CHST11: variants seen among roughly 807,000 people sequenced by gnomAD.
CHST11 encodes C4S-1.
In CHST11, 9 loss-of-function variants were observed where a neutral mutation model predicts 30.4. The ratio of observed to expected loss-of-function variants is 0.30; its 90% confidence interval spans 0.18 to 0.52. The LOEUF (loss-of-function observed/expected upper bound fraction) is 0.52. CHST11 is among the 20% of genes least tolerant of loss of function. The pLI is 0.97. For synonymous variants in CHST11, 152 were observed against 187.8 expected (o/e 0.81, Z 1.56); for missense variants, 348 against 460.6 (o/e 0.76, Z 2.24).
intron 1 of CHST11, among the ~76,000 whole-genome samples, chr12:104,490,412 C>A (rs889899900): frequency 3.0e-4 from 45 of 152,208 alleles, no homozygotes. Flanking sequence ...TATTACCCAA[C>A]TGCACCAATA....
chr12:104,582,070 A>G (rs1311995660), intron 1 of CHST11, among the ~76,000 whole-genome samples: 2 of 152,172 alleles, frequency 1.3e-5, no homozygotes, highest in East Asian at 1.9e-4. Context: ...TAAGAAGACT[A>G]TGGTTGTAGG....
chr12:104,710,287 A>C (rs554331149), intron 2 of CHST11, among the ~76,000 whole-genome samples: 2 of 152,320 alleles, frequency 1.3e-5, no homozygotes, highest in Admixed American at 1.3e-4. Context: ...GGGAGGGAGA[A>C]AGGGAAAAGA....
chr12:104,518,150 A>G (rs2038042987), intron 1 of CHST11, among the ~76,000 whole-genome samples: 1 of 152,204 alleles, frequency 6.6e-6, no homozygotes. Flanking sequence ...AGCCAGGCGC[A>G]GTGGCACGTG....
At chr12:104,595,352 A>C (rs901937269) in intron 1 of CHST11, among the ~76,000 whole-genome samples, 1 of 152,124 alleles carries the variant, frequency 6.6e-6, no homozygotes, top group African/African-American at 2.4e-5. Flanking sequence ...TTGCTTTTCC[A>C]TTCCCTGCCT....
chr12:104,696,096 T>C (rs2039942034), intron 2 of CHST11, among the ~76,000 whole-genome samples: 1 of 152,122 alleles, frequency 6.6e-6, no homozygotes, highest in Admixed American at 6.6e-5. Flanking sequence ...CTCCTAGGTA[T>C]GTTAACTCGC....
intron 1 of CHST11, among the ~76,000 whole-genome samples, chr12:104,548,052 T>G (rs1379684402): frequency 6.6e-6 from 1 of 152,238 alleles, no homozygotes; most frequent in Non-Finnish European, 1.5e-5. Flanking sequence ...AATCAACCAC[T>G]GATGGCTGGG....
intron 2 of CHST11, among the ~76,000 whole-genome samples, chr12:104,669,576 G>A (rs1284343216): frequency 6.6e-6 from 1 of 152,188 alleles, no homozygotes; most frequent in Non-Finnish European, 1.5e-5. Context: ...CCTACATTGT[G>A]TTTGTAGAGT....
At chr12:104,475,580 G>A (rs1419238684) in intron 1 of CHST11, among the ~76,000 whole-genome samples, 1 of 146,292 alleles carries the variant, frequency 6.8e-6, no homozygotes, top group African/African-American at 2.5e-5. Flanking sequence ...TTTATCAAGG[G>A]GCAAGGTTGG....
intron 1 of CHST11, among the ~76,000 whole-genome samples, chr12:104,596,700 A>G (rs1444887580): frequency 2.6e-5 from 4 of 152,102 alleles, no homozygotes; most frequent in African/African-American, 4.8e-5. Flanking sequence ...GTGTTTTTTT[A>G]TGAGGATTCA....
chr12:104,614,305 A>G (rs1016940600), intron 2 of CHST11, among the ~76,000 whole-genome samples: 1 of 152,170 alleles, frequency 6.6e-6, no homozygotes, highest in Non-Finnish European at 1.5e-5. Flanking sequence ...TAATCCCTAC[A>G]CTTTGGGAGT....
chr12:104,742,273 G>C (rs985635149), intron 2 of CHST11, among the ~76,000 whole-genome samples: 3 of 152,190 alleles, frequency 2.0e-5, no homozygotes, highest in African/African-American at 7.2e-5. Flanking sequence ...TCAAAGAAGG[G>C]AGAGGCCAGG....
At chr12:104,682,207 T>C (rs552490115) in intron 2 of CHST11, among the ~76,000 whole-genome samples, 3 of 152,326 alleles carry the variant, frequency 2.0e-5, no homozygotes, top group South Asian at 2.1e-4. Context: ...GGGATTGGGC[T>C]CTACTGGAAG....
intron 1 of CHST11, among the ~76,000 whole-genome samples, chr12:104,583,332 C>CA (rs1403171340): frequency 6.6e-6 from 1 of 152,166 alleles, no homozygotes; most frequent in African/African-American, 2.4e-5. Flanking sequence ...ATTCTGATCC[C>CA]ATTCCATATC....
intron 1 of CHST11, among the ~76,000 whole-genome samples, chr12:104,505,063 G>C (rs1336004137): frequency 6.6e-6 from 1 of 152,092 alleles, no homozygotes; most frequent in Non-Finnish European, 1.5e-5. Flanking sequence ...GAACTCAGAG[G>C]CTCTTGTTTT....
At chr12:104,536,038 G>C (rs1404608068) in intron 1 of CHST11, among the ~76,000 whole-genome samples, 1 of 152,176 alleles carries the variant, frequency 6.6e-6, no homozygotes, top group Non-Finnish European at 1.5e-5. Context: ...ATGAGGGTGA[G>C]ACTGTAATTT....
At chr12:104,750,452 T>TTTTTTTTTTTTTTTTG (rs1566064718) in intron 2 of CHST11, among the ~76,000 whole-genome samples, 2 of 113,518 alleles carry the variant, frequency 1.8e-5, no homozygotes, top group African/African-American at 7.2e-5. Flanking sequence ...TTTTTTTTTT[T>TTTTTTTTTTTTTTTTG]TTTTGTTGAG....
chr12:104,589,642 A>G (rs959702674), intron 1 of CHST11, among the ~76,000 whole-genome samples: 1 of 152,334 alleles, frequency 6.6e-6, no homozygotes, highest in African/African-American at 2.4e-5. Flanking sequence ...GCAAAACTGC[A>G]GTTGTATTAT....
At chr12:104,732,027 C>CTAG (rs2040261904) in intron 2 of CHST11, among the ~76,000 whole-genome samples, 1 of 152,244 alleles carries the variant, frequency 6.6e-6, no homozygotes, top group Admixed American at 6.5e-5. Flanking sequence ...CCCCTCTGTC[C>CTAG]TAGGGCAGGA....
intron 2 of CHST11, among the ~76,000 whole-genome samples, chr12:104,606,519 G>T (rs1389702906): frequency 1.3e-5 from 2 of 152,164 alleles, no homozygotes; most frequent in Non-Finnish European, 2.9e-5. Context: ...TTTTAGTTAA[G>T]TTAACTGAGG....
Sources: allele counts gnomAD v4.1 joint callset (sites outside exome capture counted in the v4.1 genomes callset), GRCh38; gene constraint gnomAD v4.1.1; transcripts MANE v1.5; gene names NCBI Gene and HGNC (gene_info 2026-07-23, HGNC 2026-07-21).